Variants in MICU1 observed in about 807,000 individuals in gnomAD.
MICU1 encodes the protein mitochondrial calcium uptake 1.
A neutral mutation model predicts 56.8 loss-of-function variants in MICU1; 45 were observed. The observed-to-expected ratio is 0.79, with a 90% CI of 0.62 to 1.02. The LOEUF (loss-of-function observed/expected upper bound fraction) is 1.02, where lower values mean the gene tolerates loss of function less well. MICU1 is among the 50% of genes least tolerant of loss of function. MICU1 has a pLI of 0.00. For synonymous variants in MICU1, 186 were observed against 195.1 expected (o/e 0.95, Z 0.39); for missense variants, 504 against 587.1 (o/e 0.86, Z 1.46).
intron 10 of MICU1, among the ~76,000 whole-genome samples, chr10:72,392,677 C>T (rs1374929356): frequency 6.6e-6 from 1 of 152,252 alleles, no homozygotes; most frequent in Non-Finnish European, 1.5e-5. Flanking sequence ...AGTCTGACTT[C>T]AGAACTTCTG....
At chr10:72,401,590 G>A (rs550168098) in intron 10 of MICU1, among the ~76,000 whole-genome samples, 1 of 152,170 alleles carries the variant, frequency 6.6e-6, no homozygotes, top group Non-Finnish European at 1.5e-5. Context: ...GAAGGCGAAG[G>A]TTGCAGTAAG....
At chr10:72,479,332 T>C (rs1462242698) in intron 6 of MICU1, among the ~76,000 whole-genome samples, 1 of 152,190 alleles carries the variant, frequency 6.6e-6, no homozygotes. Context: ...GCTGACACGA[T>C]TTGACCTAAA....
At chr10:72,533,990 A>G (rs1839559456) in intron 4 of MICU1, among the ~76,000 whole-genome samples, 1 of 152,148 alleles carries the variant, frequency 6.6e-6, no homozygotes, top group Non-Finnish European at 1.5e-5. Context: ...TATTTTACAT[A>G]TCAGAAAAGT....
At chr10:72,420,385 T>C (rs1344495031) in intron 9 of MICU1, among the ~76,000 whole-genome samples, 1 of 152,146 alleles carries the variant, frequency 6.6e-6, no homozygotes, top group Non-Finnish European at 1.5e-5. Flanking sequence ...TTCTTCTCCT[T>C]TGCCTTCCGC....
At chr10:72,404,302 G>T (rs1316383366) in intron 10 of MICU1, among the ~76,000 whole-genome samples, 1 of 152,138 alleles carries the variant, frequency 6.6e-6, no homozygotes, top group Non-Finnish European at 1.5e-5. Context: ...TGTTTATAGG[G>T]AAATTTATAG....
In MICU1 at chr10:72,372,308, C is replaced by A. The variant is rs535525046; in HGVS notation, c.1270+3475G>T. ...ACTTGAACTCAGGAGTTTGAGGTTA[C>A]AGTGAGCTATGATCGCACCACCACA... On this transcript the variant is annotated intron_variant, in intron 11 of 11. Transcript: ENST00000361114. Among the ~76,000 whole-genome samples the A allele has an allele frequency of 5.9e-5, 9 of 152,010 alleles. No individual in the cohort carries two copies. In the South Asian group the frequency reaches 1.9e-3, roughly 32 times the overall value.
At chr10:72,581,474 A>G (rs2132507472) in intron 1 of MICU1, among the ~76,000 whole-genome samples, 1 of 152,262 alleles carries the variant, frequency 6.6e-6, no homozygotes, top group South Asian at 2.1e-4. Flanking sequence ...ACTGAAGTAC[A>G]AAAATTAGCT....
chr10:72,548,504 T>C (rs955790712), intron 4 of MICU1, among the ~76,000 whole-genome samples: 2 of 152,200 alleles, frequency 1.3e-5, no homozygotes, highest in Non-Finnish European at 2.9e-5. Context: ...CAAAAGTATT[T>C]ACAGGTTGCA....
At chr10:72,569,045 C>G (rs551755456) in intron 1 of MICU1, among the ~76,000 whole-genome samples, 1 of 150,380 alleles carries the variant, frequency 6.6e-6, no homozygotes, top group African/African-American at 2.4e-5. Flanking sequence ...TGAGCCACCG[C>G]GCCTGGCTGG....
At chr10:72,584,583 C>T (rs1393859354) in intron 1 of MICU1, among the ~76,000 whole-genome samples, 1 of 150,480 alleles carries the variant, frequency 6.6e-6, no homozygotes, top group Non-Finnish European at 1.5e-5. Flanking sequence ...GACAGGGTCT[C>T]GCTCTGTTGC....
At position 72,611,147 on chromosome 10, in the gene MICU1, A is replaced by C. The variant is rs1235773131; in HGVS notation, c.-2+14863T>G. The stretch of plus-strand genomic sequence containing the variant: ...GTGAAACCCCGTGTCTACTAAATAC[A>C]AAAAAATTAGCCGGGCGCTGTAGCG... On this transcript the variant is annotated intron_variant, in intron 1 of 11. Transcript: ENST00000361114. Among the ~76,000 whole-genome samples, 6 of 151,586 alleles carry C rather than the reference A, an allele frequency of 4.0e-5. No individual in the cohort carries two copies. The South Asian group carries it at 1.2e-3, about 32-fold the overall frequency.
intron 7 of MICU1, among the ~76,000 whole-genome samples, chr10:72,476,226 C>CAAAAAAAAAAAAAAA (rs71018297): frequency 1.4e-5 from 1 of 73,836 alleles, no homozygotes; most frequent in Non-Finnish European, 2.4e-5. Context: ...GACTCCATCT[C>CAAAAAAAAAAAAAAA]AAAAAAAAAA....
intron 1 of MICU1, among the ~76,000 whole-genome samples, chr10:72,591,814 C>T (rs927836647): frequency 6.6e-6 from 1 of 151,894 alleles, no homozygotes; most frequent in African/African-American, 2.4e-5. Flanking sequence ...CTTGAGCACA[C>T]CAGACCGAGC....
intron 5 of MICU1, 136 bp from the exon 6 acceptor site, chr10:72,508,405 A>C: frequency 2.3e-6 from 1 of 432,032 alleles, no homozygotes; most frequent in Non-Finnish European, 4.2e-6. Context: ...GCCATTCAAA[A>C]TCAATGGATC....
intron 1 of MICU1, among the ~76,000 whole-genome samples, chr10:72,571,066 T>G (rs554933544): frequency 6.6e-6 from 1 of 152,226 alleles, no homozygotes; most frequent in East Asian, 1.9e-4. Context: ...TAACAGCCAA[T>G]TCAAAAGTTG....
chr10:72,375,162 T>TAG (rs1413725444), intron 11 of MICU1, among the ~76,000 whole-genome samples: 1 of 152,162 alleles, frequency 6.6e-6, no homozygotes, highest in Non-Finnish European at 1.5e-5. Context: ...TAACAATACC[T>TAG]AGGTCAGAAG....
intron 1 of MICU1, among the ~76,000 whole-genome samples, chr10:72,620,033 ACT>A (rs1481098891): frequency 6.6e-6 from 1 of 152,134 alleles, no homozygotes; most frequent in African/African-American, 2.4e-5. Flanking sequence ...ATTCATGTTT[ACT>A]TTTTTTAAAA....
chr10:72,619,989 G>C (rs1212547792), intron 1 of MICU1, among the ~76,000 whole-genome samples: 1 of 151,978 alleles, frequency 6.6e-6, no homozygotes, highest in Non-Finnish European at 1.5e-5. Flanking sequence ...ATATTACAGT[G>C]CTGATTCAAT....
chr10:72,474,276 A>G (rs1290656976), intron 8 of MICU1, among the ~76,000 whole-genome samples: 2 of 150,424 alleles, frequency 1.3e-5, no homozygotes, highest in Admixed American at 6.6e-5. Flanking sequence ...AAAAAAAAAA[A>G]AAAAAAAAAA....
Sources: allele counts gnomAD v4.1 joint callset (sites outside exome capture counted in the v4.1 genomes callset), GRCh38; gene constraint gnomAD v4.1.1; transcripts MANE v1.5; gene names NCBI Gene and HGNC (gene_info 2026-07-23, HGNC 2026-07-21).